The following PCDHGA6 variants were observed in gnomAD, a reference collection of about 807,000 sequenced individuals.
The protein encoded by PCDHGA6 is protocadherin gamma subfamily A, 6, also known as protocadherin gamma-A6.
In PCDHGA6, 41 loss-of-function variants were observed where a neutral mutation model predicts 60.6. That is an observed-to-expected ratio of 0.68 (90% confidence interval 0.53 to 0.88). The LOEUF is 0.88. Ranked by LOEUF, PCDHGA6 falls within the 40% of genes least tolerant of loss-of-function variation. PCDHGA6 has a pLI of 0.00. For synonymous variants in PCDHGA6, 594 were observed against 524.4 expected (o/e 1.13, Z -1.81); for missense variants, 1,312 against 1,203.0 (o/e 1.09, Z -1.34).
chr5:141,482,530 CA>C (rs3074545), intron 1 of PCDHGA6, among the ~76,000 whole-genome samples: 1,133 of 76,538 alleles, frequency 0.015, 6 homozygotes, highest in Admixed American at 0.025. Flanking sequence ...GACAGACATG[CA>C]AAAAAAAAAA....
Position 141,505,420 on chromosome 5 carries a change from C to G in PCDHGA6, c.2511C>G (p.Thr837=), listed in dbSNP as rs1236398971. 6.2e-7 allele frequency: 1 copy of G among 1,614,102 alleles called. No individual in the cohort carries two copies. Among genetic ancestry groups the G allele is most frequent in the Non-Finnish European group, 8.5e-7 (1 of 1,180,034 alleles). ...SGSQNGDDTG[T]WPNNQFDTEM... is the part of the protein sequence containing the mutation. ...CCCAAAATGGCGATGACACCGGCACCTGGCCCAACAACCAGTTTGACACAG... is the reference window on the plus strand; with the variant it reads ...CCCAAAATGGCGATGACACCGGCACGTGGCCCAACAACCAGTTTGACACAG... The change falls in exon 3 of 4, where the codon ACC becomes ACG. Residue 837 remains threonine (T), a synonymous_variant. Coordinates refer to ENST00000517434, the MANE Select transcript of PCDHGA6 (RefSeq NM_018919.3).
At chr5:141,394,199 A>T (rs1353569032) in intron 1 of PCDHGA6, 1 of 1,613,840 alleles carries the variant, frequency 6.2e-7, no homozygotes, top group Non-Finnish European at 8.5e-7. Context: ...CGTATATCCT[A>T]GAGAACAACC....
chr5:141,483,736 G>A (rs1296877404), intron 1 of PCDHGA6, among the ~76,000 whole-genome samples: 1 of 152,110 alleles, frequency 6.6e-6, no homozygotes, highest in Non-Finnish European at 1.5e-5. Flanking sequence ...ATAGTCAAAA[G>A]GATATTCCTG....
intron 1 of PCDHGA6, among the ~76,000 whole-genome samples, chr5:141,381,826 CTTTTTTTTT>C (rs770630741): frequency 5.4e-5 from 4 of 74,286 alleles, no homozygotes; most frequent in African/African-American, 2.5e-4. Flanking sequence ...CTTTCTTCTT[CTTTTTTTTT>C]TTTTTTTTTT....
chr5:141,379,975 C>T (rs2150153765), intron 1 of PCDHGA6, among the ~76,000 whole-genome samples: 1 of 132,632 alleles, frequency 7.5e-6, no homozygotes, highest in South Asian at 2.6e-4. Flanking sequence ...TCTCTGCTCA[C>T]TGCAACTTCC....
intron 1 of PCDHGA6, chr5:141,414,525 T>C (rs1413988459): frequency 1.2e-6 from 2 of 1,613,972 alleles, no homozygotes; most frequent in South Asian, 1.1e-5. Flanking sequence ...CAGATATCAA[T>C]GACAACCCAC....
chr5:141,392,546 T>A (rs1207052717), intron 1 of PCDHGA6: 1 of 336,090 alleles, frequency 3.0e-6, no homozygotes, highest in Non-Finnish European at 5.4e-6. Flanking sequence ...AGAAGTAATC[T>A]GTATCTCAGT....
At chr5:141,400,629 C>A (rs1416723451) in intron 1 of PCDHGA6, 1 of 1,389,786 alleles carries the variant, frequency 7.2e-7, no homozygotes, top group African/African-American at 1.4e-5. Context: ...TTAGGGAAGT[C>A]AGAGCTGCTC....
At chr5:141,399,192 C>T (rs1561668217) in intron 1 of PCDHGA6, 1 of 1,613,846 alleles carries the variant, frequency 6.2e-7, no homozygotes, top group Non-Finnish European at 8.5e-7. Flanking sequence ...TTCTGGAAAA[C>T]GCGGTGCCTG....
chr5:141,405,016 C>G (rs538744733), intron 1 of PCDHGA6: 1 of 1,613,888 alleles, frequency 6.2e-7, no homozygotes. Flanking sequence ...AGGCCTCAGA[C>G]CTTACCCTCT....
At chr5:141,454,838 C>G (rs1472341694) in intron 1 of PCDHGA6, among the ~76,000 whole-genome samples, 1 of 100,816 alleles carries the variant, frequency 9.9e-6, no homozygotes, top group South Asian at 3.5e-4. Flanking sequence ...GACAGAGTCG[C>G]GCTCTGTCAC....
chr5:141,395,127 C>T (rs767438347), intron 1 of PCDHGA6: 2 of 1,614,200 alleles, frequency 1.2e-6, no homozygotes, highest in African/African-American at 1.3e-5. Context: ...GATCTTTCCC[C>T]AGCCCAACTA....
At chr5:141,413,089 C>A in intron 1 of PCDHGA6, 1 of 1,401,120 alleles carries the variant, frequency 7.1e-7, no homozygotes, top group Non-Finnish European at 9.7e-7. Context: ...TACAGAGACA[C>A]CCTGAAGCCA....
chr5:141,431,858 G>T lies in PCDHGA6; in HGVS notation c.2424+55351G>T, dbSNP rs1421209596. On this transcript the variant is annotated intron_variant, in intron 1 of 3. Coordinates refer to ENST00000517434, the MANE Select transcript of PCDHGA6 (RefSeq NM_018919.3). This position sits in a 1 kb window ranked among gnomAD's most constrained non-coding sequence, Gnocchi z 4.8. ...AAACTCTCCCAGAGGGACATTAATTGCCCTTTTAAATGTAAATGACCAAGA... is the reference window on the plus strand; with the variant it reads ...AAACTCTCCCAGAGGGACATTAATTTCCCTTTTAAATGTAAATGACCAAGA... 6.8e-6 allele frequency: 11 copies of T among 1,614,080 alleles called. No homozygotes were observed. The highest frequency in any genetic ancestry group is 8.5e-6 in the Non-Finnish European group (10 of 1,180,028).
intron 1 of PCDHGA6, among the ~76,000 whole-genome samples, chr5:141,443,537 T>C (rs986467958): frequency 6.6e-6 from 1 of 152,180 alleles, no homozygotes; most frequent in African/African-American, 2.4e-5. Flanking sequence ...ATTTAAAGCT[T>C]GGGAAATTGT....
chr5:141,450,490 T>C (rs1480357834), intron 1 of PCDHGA6, among the ~76,000 whole-genome samples: 1 of 152,164 alleles, frequency 6.6e-6, no homozygotes, highest in Non-Finnish European at 1.5e-5. Context: ...TTTGTTTGTC[T>C]GTTTGTTTGT....
intron 1 of PCDHGA6, chr5:141,428,275 G>A (rs566455986): frequency 6.5e-6 from 5 of 767,218 alleles, no homozygotes; most frequent in African/African-American, 3.4e-5. Context: ...TGTGCCCTCT[G>A]ATTCCCAAGC....
At chr5:141,404,315 G>T (rs775576610) in intron 1 of PCDHGA6, 2 of 1,613,886 alleles carry the variant, frequency 1.2e-6, no homozygotes, top group African/African-American at 2.7e-5. Context: ...TTTCTCTCAA[G>T]CCTCCTACTC....
rs753543776 is a variant in PCDHGA6 at position 141,374,343 on chromosome 5, C to A, written c.260C>A (p.Ala87Glu). The A allele has an allele frequency of 6.2e-7, 1 of 1,613,990 alleles. No homozygotes were observed. The highest frequency in any genetic ancestry group is 1.7e-5 in the Admixed American group (1 of 60,028). Residue 87 changes from alanine (A) to glutamate (E), a missense_variant, in exon 1 of 4, where the codon GCG becomes GAG. Coordinates refer to ENST00000517434, the MANE Select transcript of PCDHGA6 (RefSeq NM_018919.3). ...LNPRNGSLVTAGRIDREELCA... is the reference protein window; with the variant it reads ...LNPRNGSLVTEGRIDREELCA... Reference sequence around the variant, plus strand: ...CCGCGAAACGGCAGCTTGGTCACCGCGGGTAGGATAGACCGCGAGGAGCTC... The same window carrying A: ...CCGCGAAACGGCAGCTTGGTCACCGAGGGTAGGATAGACCGCGAGGAGCTC...
Sources: gnomAD v4.1 joint callset for allele counts (sites outside exome capture counted in the v4.1 genomes callset) on GRCh38, gnomAD v4.1.1 for gene constraint, Gnocchi (gnomAD v3.1) non-coding constraint, MANE v1.5 for transcripts, NCBI Gene and HGNC (gene_info 2026-07-23, HGNC 2026-07-21) for gene names.